The following KCNJ6 variants were observed in gnomAD, a reference collection of about 807,000 sequenced individuals.
KCNJ6 encodes the protein potassium inwardly rectifying channel subfamily J member 6.
Under a neutral mutation model 34.2 loss-of-function variants are expected in KCNJ6, and 9 were observed. That is an observed-to-expected ratio of 0.26 (90% confidence interval 0.16 to 0.46). The LOEUF is 0.46. Among genes scored for constraint, KCNJ6 ranks in the 20% least tolerant of loss-of-function variants. The probability of loss-of-function intolerance (pLI) is 1.00; values close to 1 mark genes in which losing one functional copy is unlikely to be tolerated. For missense variants in KCNJ6, 236 were observed against 531.3 expected, an observed-to-expected ratio of 0.44 and a Z score of 5.46; for synonymous variants, 196 against 207.1, an observed-to-expected ratio of 0.95 and a Z score of 0.46.
Position 37,683,323 on chromosome 21 carries a change from G to C in KCNJ6, c.946+30888C>G, listed in dbSNP as rs551595601. Reference sequence around the variant, plus strand: ...CCCTGGTTACCAGCAAGAGGCAGCAGGGAAGAAGCCCCCCTTTCTGGAGGG... The same window carrying C: ...CCCTGGTTACCAGCAAGAGGCAGCACGGAAGAAGCCCCCCTTTCTGGAGGG... On this transcript the variant is annotated intron_variant, in intron 3 of 3. Transcript: ENST00000609713. 1.4e-4 allele frequency among the ~76,000 whole-genome samples: 21 copies of C among 152,298 alleles called. 1 individual carries two copies. The highest frequency in any genetic ancestry group is 1.2e-3 in the Admixed American group (19 of 15,304).
chr21:37,677,838 C>G (rs1398245708), intron 3 of KCNJ6, among the ~76,000 whole-genome samples: 1 of 69,608 alleles, frequency 1.4e-5, no homozygotes, highest in African/African-American at 5.6e-5. Flanking sequence ...TCCATCAGTT[C>G]ACTCATTCAC....
At chr21:37,888,432 G>A (rs1407485596) in intron 1 of KCNJ6, among the ~76,000 whole-genome samples, 1 of 152,200 alleles carries the variant, frequency 6.6e-6, no homozygotes, top group Admixed American at 6.5e-5. Flanking sequence ...TGGAATACAA[G>A]GGCCAGATGG....
intron 1 of KCNJ6, among the ~76,000 whole-genome samples, chr21:37,847,228 C>T (rs907745109): frequency 2.0e-5 from 3 of 152,130 alleles, no homozygotes; most frequent in Non-Finnish European, 2.9e-5. Flanking sequence ...TGCATTAGTA[C>T]ATTAGACTAT....
At chr21:37,885,488 G>A (rs1445080766) in intron 1 of KCNJ6, among the ~76,000 whole-genome samples, 3 of 152,228 alleles carry the variant, frequency 2.0e-5, no homozygotes, top group Non-Finnish European at 4.4e-5. Context: ...AAGAGAGGGA[G>A]ATGATCCTGT....
chr21:37,625,580 G>A, intron 3 of KCNJ6, 96 bp from the exon 4 acceptor site: 1 of 821,628 alleles, frequency 1.2e-6, no homozygotes, highest in Non-Finnish European at 1.9e-6. Context: ...GCATGCAGCT[G>A]TTGAGACTGA....
At chr21:37,635,443 C>T (rs1601397007) in intron 3 of KCNJ6, among the ~76,000 whole-genome samples, 1 of 151,118 alleles carries the variant, frequency 6.6e-6, no homozygotes, top group South Asian at 2.1e-4. Context: ...GTCTCGAATT[C>T]CTGACCTCAG....
At chr21:37,852,085 A>G (rs949134703) in intron 1 of KCNJ6, among the ~76,000 whole-genome samples, 3 of 152,226 alleles carry the variant, frequency 2.0e-5, no homozygotes, top group Non-Finnish European at 4.4e-5. Context: ...ACATTATAGA[A>G]AAAACAGCAA....
intron 3 of KCNJ6, among the ~76,000 whole-genome samples, chr21:37,690,105 T>C (rs2017656126): frequency 2.6e-5 from 4 of 151,784 alleles, no homozygotes; most frequent in Admixed American, 6.6e-5. Context: ...TTGATTGAAA[T>C]TGTTTGATTG....
intron 2 of KCNJ6, among the ~76,000 whole-genome samples, chr21:37,823,472 G>A (rs1362806874): frequency 6.6e-6 from 1 of 152,090 alleles, no homozygotes; most frequent in East Asian, 1.9e-4. Flanking sequence ...ATCCCCACAT[G>A]TCAAGGGAGG....
intron 2 of KCNJ6, among the ~76,000 whole-genome samples, chr21:37,778,081 G>A (rs563678270): frequency 4.0e-4 from 61 of 152,254 alleles, no homozygotes; most frequent in African/African-American, 1.2e-3. Context: ...GACCTGAAGC[G>A]TTCAGGCATT....
chr21:37,734,516 A>C (rs966572048), intron 2 of KCNJ6, among the ~76,000 whole-genome samples: 1 of 152,040 alleles, frequency 6.6e-6, no homozygotes, highest in Admixed American at 6.6e-5. Flanking sequence ...GCATTTGTCA[A>C]TTTTTGTGGT....
At chr21:37,630,162 T>TGTGTGTGTGTGTGTGTG (rs748374656) in intron 3 of KCNJ6, among the ~76,000 whole-genome samples, 1 of 64,456 alleles carries the variant, frequency 1.6e-5, no homozygotes, top group Admixed American at 1.6e-4. Flanking sequence ...GTGTGTGGTG[T>TGTGTGTGTGTGTGTGTG]TTATGTTCCA....
intron 2 of KCNJ6, among the ~76,000 whole-genome samples, chr21:37,737,881 A>T (rs978006428): frequency 6.6e-6 from 1 of 152,200 alleles, no homozygotes; most frequent in Non-Finnish European, 1.5e-5. Flanking sequence ...CAGTGAATGA[A>T]CTTGGAAGGA....
At position 37,695,178 on chromosome 21, in the gene KCNJ6, T is replaced by C. The variant is rs2054658564; in HGVS notation, c.946+19033A>G. On this transcript the variant is annotated intron_variant, in intron 3 of 3. Coordinates refer to ENST00000609713, the MANE Select transcript of KCNJ6 (RefSeq NM_002240.5). This position sits in a 1 kb window ranked among gnomAD's most constrained non-coding sequence, Gnocchi z 4.2. Reference sequence around the variant, plus strand: ...GCATGCACACCATAATGATGCACAATCTTGCTGCATGCCCAATAAATTTGA... The same window carrying C: ...GCATGCACACCATAATGATGCACAACCTTGCTGCATGCCCAATAAATTTGA... Among the ~76,000 whole-genome samples, 1 of 152,172 alleles carries C rather than the reference T, an allele frequency of 6.6e-6. No individual in the cohort carries two copies. Among genetic ancestry groups the C allele is most frequent in the Non-Finnish European group, 1.5e-5 (1 of 68,038 alleles).
intron 2 of KCNJ6, among the ~76,000 whole-genome samples, chr21:37,838,344 A>G (rs889643671): frequency 2.0e-5 from 3 of 152,256 alleles, no homozygotes; most frequent in African/African-American, 7.2e-5. Context: ...ATTAATCAGT[A>G]CGGTACCCTT....
chr21:37,863,292 C>T (rs917530821), intron 1 of KCNJ6, among the ~76,000 whole-genome samples: 1 of 152,152 alleles, frequency 6.6e-6, no homozygotes, highest in Non-Finnish European at 1.5e-5. Flanking sequence ...ACTTACTGTG[C>T]CTCCACAGTA....
At chr21:37,818,005 C>G (rs2055354752) in intron 2 of KCNJ6, among the ~76,000 whole-genome samples, 1 of 152,180 alleles carries the variant, frequency 6.6e-6, no homozygotes, top group South Asian at 2.1e-4. Context: ...CTGCCTCGTA[C>G]CCAGAATGCA....
At chr21:37,730,584 C>A (rs2054879154) in intron 2 of KCNJ6, among the ~76,000 whole-genome samples, 1 of 152,200 alleles carries the variant, frequency 6.6e-6, no homozygotes, top group Non-Finnish European at 1.5e-5. Flanking sequence ...ACAATAATCA[C>A]TATTTTTATA....
At chr21:37,889,005 C>A (rs1480505492) in intron 1 of KCNJ6, among the ~76,000 whole-genome samples, 2 of 152,224 alleles carry the variant, frequency 1.3e-5, no homozygotes, top group Non-Finnish European at 2.9e-5. Context: ...CACCTGACAC[C>A]ATAAGGCTAT....
Sources: gnomAD v4.1 joint callset for allele counts (sites outside exome capture counted in the v4.1 genomes callset) on GRCh38, gnomAD v4.1.1 for gene constraint, Gnocchi (gnomAD v3.1) non-coding constraint, MANE v1.5 for transcripts, NCBI Gene and HGNC (gene_info 2026-07-23, HGNC 2026-07-21) for gene names.